PTPRM: variants seen among roughly 807,000 people sequenced by gnomAD.
PTPRM encodes protein tyrosine phosphatase receptor type M.
PTPRM carries 47 observed loss-of-function variants against 186.7 expected under a neutral mutation model. That is an observed-to-expected ratio of 0.25 (90% CI 0.20 to 0.32). The LOEUF (loss-of-function observed/expected upper bound fraction) is 0.32. Ranked by LOEUF, PTPRM falls within the 10% of genes least tolerant of loss-of-function variation. The pLI, the probability that PTPRM is intolerant of heterozygous loss-of-function variation, is 1.00. For missense variants in PTPRM, 1,494 were observed against 1,865.0 expected, an observed-to-expected ratio of 0.80 and a Z score of 3.66; for synonymous variants, 668 against 674.9, an observed-to-expected ratio of 0.99 and a Z score of 0.16.
At chr18:7,770,235 C>T (rs778994948) in intron 1 of PTPRM, among the ~76,000 whole-genome samples, 1 of 152,090 alleles carries the variant, frequency 6.6e-6, no homozygotes, top group South Asian at 2.1e-4. Flanking sequence ...GGGACTTTGC[C>T]TCCTTAACAT....
At chr18:8,294,631 T>A (rs987609912) in intron 19 of PTPRM, among the ~76,000 whole-genome samples, 1 of 152,200 alleles carries the variant, frequency 6.6e-6, no homozygotes, top group African/African-American at 2.4e-5. Context: ...TAGCGATGCA[T>A]AGTGTGAGTC....
intron 17 of PTPRM, among the ~76,000 whole-genome samples, chr18:8,248,805 T>C (rs754337753): frequency 5.3e-5 from 8 of 152,214 alleles, no homozygotes; most frequent in Admixed American, 2.6e-4. Context: ...ATGGCACTTA[T>C]AATCATATGC....
chr18:8,394,121 G>A (rs542775285), intron 31 of PTPRM, among the ~76,000 whole-genome samples: 6 of 152,242 alleles, frequency 3.9e-5, no homozygotes, highest in Non-Finnish European at 5.9e-5. Context: ...GGCCAGATAC[G>A]TCTTTGAACG....
intron 23 of PTPRM, among the ~76,000 whole-genome samples, chr18:8,353,526 T>C (rs1013743624): frequency 5.9e-5 from 9 of 152,114 alleles, no homozygotes; most frequent in African/African-American, 2.2e-4. Flanking sequence ...TTGGGTGTTA[T>C]GGTGGGTAGG....
intron 7 of PTPRM, among the ~76,000 whole-genome samples, chr18:8,024,735 G>A (rs1306644578): frequency 6.9e-6 from 1 of 144,718 alleles, no homozygotes; most frequent in Non-Finnish European, 1.5e-5. Flanking sequence ...CCAGGCTGGA[G>A]TACAATGGCA....
chr18:8,129,173 A>C (rs1432283273), intron 13 of PTPRM, among the ~76,000 whole-genome samples: 2 of 152,222 alleles, frequency 1.3e-5, no homozygotes, highest in Admixed American at 1.3e-4. Context: ...TTTGCATGAA[A>C]GATTTTATAT....
At chr18:8,164,904 T>C (rs531095443) in intron 14 of PTPRM, among the ~76,000 whole-genome samples, 21 of 15,940 alleles carry the variant, frequency 1.3e-3, no homozygotes, top group East Asian at 0.5. Context: ...CAGTGGCACA[T>C]GCCTAATCCC....
intron 14 of PTPRM, among the ~76,000 whole-genome samples, chr18:8,213,095 A>G (rs542793803): frequency 5.3e-5 from 8 of 152,236 alleles, no homozygotes; most frequent in Non-Finnish European, 1.0e-4. Context: ...GATGCACAGC[A>G]TGATGGGGCA....
intron 7 of PTPRM, among the ~76,000 whole-genome samples, chr18:8,050,732 C>T (rs766672347): frequency 2.0e-5 from 3 of 152,102 alleles, no homozygotes; most frequent in Non-Finnish European, 4.4e-5. Context: ...AGTTTTCCAA[C>T]AGATGAAAAT....
At chr18:7,899,210 A>G (rs2049529275) in intron 3 of PTPRM, among the ~76,000 whole-genome samples, 1 of 152,208 alleles carries the variant, frequency 6.6e-6, no homozygotes, top group Non-Finnish European at 1.5e-5. Context: ...GCATGGCACT[A>G]ACTAGACCAC....
At chr18:7,961,993 A>T (rs79353796) in intron 7 of PTPRM, among the ~76,000 whole-genome samples, 1 of 70,878 alleles carries the variant, frequency 1.4e-5, no homozygotes, top group Non-Finnish European at 3.6e-5. Context: ...AGTAATAGCT[A>T]TCATATCTGC....
At chr18:7,872,725 C>T (rs1202186634) in intron 2 of PTPRM, among the ~76,000 whole-genome samples, 1 of 152,188 alleles carries the variant, frequency 6.6e-6, no homozygotes, top group Non-Finnish European at 1.5e-5. Flanking sequence ...ATGAAGAGCA[C>T]TTAGTATCGA....
At chr18:7,679,243 G>A (rs958156323) in intron 1 of PTPRM, among the ~76,000 whole-genome samples, 2 of 152,196 alleles carry the variant, frequency 1.3e-5, no homozygotes, top group African/African-American at 4.8e-5. Flanking sequence ...TACTGTTTAA[G>A]TATTTAAATA....
intron 4 of PTPRM, among the ~76,000 whole-genome samples, chr18:7,910,261 A>C (rs886356488): frequency 1.3e-5 from 2 of 152,182 alleles, no homozygotes; most frequent in African/African-American, 4.8e-5. Context: ...CAAAAGACCC[A>C]CTACCCATTA....
At chr18:8,036,279 G>T (rs564846616) in intron 7 of PTPRM, among the ~76,000 whole-genome samples, 2 of 152,362 alleles carry the variant, frequency 1.3e-5, no homozygotes, top group Non-Finnish European at 2.9e-5. Context: ...ACTCTGATTT[G>T]TCCCAAACAG....
At chr18:8,101,628 A>G (rs1453376332) in intron 11 of PTPRM, among the ~76,000 whole-genome samples, 1 of 152,218 alleles carries the variant, frequency 6.6e-6, no homozygotes, top group African/African-American at 2.4e-5. Flanking sequence ...TCCTCGCTAG[A>G]TGCCAGCATT....
intron 2 of PTPRM, among the ~76,000 whole-genome samples, chr18:7,784,830 C>A (rs1272660500): frequency 6.6e-6 from 1 of 152,180 alleles, no homozygotes; most frequent in African/African-American, 2.4e-5. Flanking sequence ...TCTTCCAGGC[C>A]ATGTAGAAGT....
At chr18:8,397,920 G>A (rs1247160895) in intron 32 of PTPRM, among the ~76,000 whole-genome samples, 1 of 152,200 alleles carries the variant, frequency 6.6e-6, no homozygotes, top group East Asian at 1.9e-4. Context: ...CCACAGCCTA[G>A]TGCACTGCCC....
Position 8,296,434 on chromosome 18 carries a change from A to C in PTPRM, c.2821A>C (p.Arg941=). Residue 941 remains arginine, a synonymous_variant, in exon 20 of 33, where the codon AGA becomes CGA. Transcript: ENST00000580170. ...AKKDENRMKN[R]YGNIIAYDHS... Reference sequence around the variant, plus strand: ...GAAAGATGAGAACAGAATGAAGAACAGATACGGGAATATCATTGCATGTAA... The same window carrying C: ...GAAAGATGAGAACAGAATGAAGAACCGATACGGGAATATCATTGCATGTAA... 2 of 1,608,284 alleles carry C rather than the reference A, an allele frequency of 1.2e-6. No individual in the cohort carries two copies. The highest frequency in any genetic ancestry group is 1.7e-6 in the Non-Finnish European group (2 of 1,174,742).
Sources: allele counts gnomAD v4.1 joint callset (sites outside exome capture counted in the v4.1 genomes callset), GRCh38; gene constraint gnomAD v4.1.1; transcripts MANE v1.5; gene names NCBI Gene and HGNC (gene_info 2026-07-23, HGNC 2026-07-21).